The following KCNMA1 variants were observed in gnomAD, a reference collection of about 807,000 sequenced individuals.
KCNMA1 encodes the protein potassium calcium-activated channel subfamily M alpha 1, also known as Calcium-activated potassium channel subunit alpha-1.
KCNMA1 carries 29 observed loss-of-function variants against 140.0 expected under a neutral mutation model. The ratio of observed to expected loss-of-function variants is 0.21; its 90% CI spans 0.15 to 0.28. The LOEUF is 0.28. Ranked by LOEUF, KCNMA1 falls within the 10% of genes least tolerant of loss-of-function variation. The probability of loss-of-function intolerance (pLI) is 1.00; values close to 1 mark genes in which losing one functional copy is unlikely to be tolerated. For missense variants in KCNMA1, 880 were observed against 1,602.2 expected (o/e 0.55, Z 7.70); for synonymous variants, 612 against 611.9 (o/e 1.00, Z 0.00).
At chr10:77,620,085 G>C (rs1001470264) in intron 1 of KCNMA1, among the ~76,000 whole-genome samples, 1 of 152,236 alleles carries the variant, frequency 6.6e-6, no homozygotes, top group African/African-American at 2.4e-5. Flanking sequence ...GGTGGCTCCT[G>C]ACCGTGAGGG....
chr10:76,948,823 A>G, intron 22 of KCNMA1: 1 of 414,608 alleles, frequency 2.4e-6, no homozygotes, highest in South Asian at 2.4e-5. Context: ...CCTTACTATA[A>G]ACATCATAAT....
intron 23 of KCNMA1, 21 bp downstream of exon 23, chr10:76,944,752 A>T: frequency 6.2e-7 from 1 of 1,609,972 alleles, no homozygotes; most frequent in Non-Finnish European, 8.5e-7. Flanking sequence ...ACAGCAAAGA[A>T]GTATTACAGG....
intron 5 of KCNMA1, among the ~76,000 whole-genome samples, chr10:77,171,364 T>C (rs1319039): frequency 0.07 from 10,499 of 150,564 alleles, 461 homozygotes; most frequent in South Asian, 0.15. Context: ...CCTCACAGAA[T>C]AGATTTCGGA....
At position 77,276,223 on chromosome 10, in the gene KCNMA1, C is replaced by T. The variant is rs143273044; in HGVS notation, c.541-24967G>A. Among the ~76,000 whole-genome samples the T allele has an allele frequency of 2.1e-4, 32 of 152,336 alleles. No homozygotes were observed. In the East Asian group the frequency reaches 5.4e-3, roughly 26 times the overall value. ...TAATAAGACTCCTCAGGAGCTGAGA[C>T]CATCCTTCGTCTACCTTCTAGCATT... On this transcript the variant is annotated intron_variant, in intron 2 of 27. Transcript: ENST00000286628.
intron 25 of KCNMA1, among the ~76,000 whole-genome samples, chr10:76,907,705 A>ACT (rs1271774959): frequency 6.6e-6 from 1 of 151,880 alleles, no homozygotes. Context: ...CACCCAGCTA[A>ACT]TTTTTTTATA....
chr10:77,181,952 A>C (rs1598114577), intron 5 of KCNMA1, among the ~76,000 whole-genome samples: 4 of 152,204 alleles, frequency 2.6e-5, no homozygotes, highest in Admixed American at 2.6e-4. Flanking sequence ...GTATGTGCAT[A>C]TAATATAGAG....
intron 5 of KCNMA1, among the ~76,000 whole-genome samples, chr10:77,151,685 A>G (rs1304680119): frequency 1.3e-5 from 2 of 152,152 alleles, no homozygotes; most frequent in Admixed American, 1.3e-4. Flanking sequence ...GCTGATTAAG[A>G]TACCTAATTT....
intron 1 of KCNMA1, chr10:77,433,923 G>A (rs767735625): frequency 6.6e-6 from 1 of 152,142 alleles, no homozygotes; most frequent in East Asian, 1.9e-4. Flanking sequence ...TAATGGTCCC[G>A]AGGCTGATTC....
chr10:77,566,910 GAA>G (rs2068531826), intron 1 of KCNMA1, among the ~76,000 whole-genome samples: 1 of 152,098 alleles, frequency 6.6e-6, no homozygotes, highest in South Asian at 2.1e-4. Context: ...GGAAGGAAAT[GAA>G]AAGAGGAAAA....
chr10:77,502,846 G>GA (rs2044408660), intron 1 of KCNMA1, among the ~76,000 whole-genome samples: 1 of 152,248 alleles, frequency 6.6e-6, no homozygotes, highest in Admixed American at 6.5e-5. Flanking sequence ...ACCCACAATA[G>GA]ATACCGAACT....
At chr10:77,439,343 G>A (rs1020628810) in intron 1 of KCNMA1, among the ~76,000 whole-genome samples, 10 of 152,176 alleles carry the variant, frequency 6.6e-5, no homozygotes, top group Admixed American at 4.6e-4. Flanking sequence ...TAGAAAGTAC[G>A]TTAGAGGTGG....
At chr10:76,956,322 C>T (rs1319446961) in intron 20 of KCNMA1, among the ~76,000 whole-genome samples, 2 of 152,142 alleles carry the variant, frequency 1.3e-5, no homozygotes, top group African/African-American at 4.8e-5. Context: ...CACACTGGAG[C>T]TCAAGCCATG....
chr10:77,490,128 T>C (rs933464518), intron 1 of KCNMA1, among the ~76,000 whole-genome samples: 5 of 152,218 alleles, frequency 3.3e-5, no homozygotes, highest in East Asian at 1.9e-4. Context: ...GGCAAAATCA[T>C]GCCTGGTTGA....
chr10:77,444,782 T>A (rs1170763579), intron 1 of KCNMA1, among the ~76,000 whole-genome samples: 1 of 152,072 alleles, frequency 6.6e-6, no homozygotes, highest in Non-Finnish European at 1.5e-5. Flanking sequence ...CTGGGCAGCC[T>A]CTTTGAAGGT....
chr10:77,206,246 A>G (rs17392393), intron 3 of KCNMA1, among the ~76,000 whole-genome samples: 23,482 of 152,296 alleles, frequency 0.15, 2,262 homozygotes, highest in Non-Finnish European at 0.2. Flanking sequence ...AACTGAAAAA[A>G]AGAGGTTTAA....
intron 1 of KCNMA1, among the ~76,000 whole-genome samples, chr10:77,561,755 G>A (rs11817355): frequency 0.16 from 23,758 of 152,104 alleles, 2,168 homozygotes; most frequent in Middle Eastern, 0.24. Flanking sequence ...CTGCTTCAAG[G>A]GGAAACCCAG....
At chr10:77,439,943 C>G (rs1202553816) in intron 1 of KCNMA1, among the ~76,000 whole-genome samples, 2 of 152,204 alleles carry the variant, frequency 1.3e-5, no homozygotes, top group Non-Finnish European at 2.9e-5. Flanking sequence ...CGAGCATAAA[C>G]AGCAGCTTTC....
At position 76,949,375 on chromosome 10, in the gene KCNMA1, G is replaced by A; in HGVS notation, c.2485-9C>T. ...GCAGCTTCACTTCGAGTCTACAACAGGGAGAAGTGGGTAAGAGTCAGAGAG... is the reference window on the plus strand; with the variant it reads ...GCAGCTTCACTTCGAGTCTACAACAAGGAGAAGTGGGTAAGAGTCAGAGAG... On this transcript the variant is annotated splice_polypyrimidine_tract_variant and intron_variant, in intron 21 of 27. Coordinates refer to ENST00000286628, the MANE Select transcript of KCNMA1 (RefSeq NM_001161352.2). 1 of 1,607,946 alleles carries A rather than the reference G, an allele frequency of 6.2e-7. No homozygotes were observed. Among genetic ancestry groups the A allele is most frequent in the Non-Finnish European group, 8.5e-7 (1 of 1,175,016 alleles).
chr10:77,080,313 C>G (rs1375080083), intron 12 of KCNMA1, among the ~76,000 whole-genome samples: 2 of 152,150 alleles, frequency 1.3e-5, no homozygotes, highest in Non-Finnish European at 2.9e-5. Flanking sequence ...GGTGTAGCCC[C>G]GCTGTGCAGG....
Sources: gnomAD v4.1 joint callset for allele counts (sites outside exome capture counted in the v4.1 genomes callset) on GRCh38, gnomAD v4.1.1 for gene constraint, MANE v1.5 for transcripts, NCBI Gene and HGNC (gene_info 2026-07-23, HGNC 2026-07-21) for gene names.